The following SLC44A5 variants were observed in gnomAD, a reference collection of about 807,000 sequenced individuals.
The protein encoded by SLC44A5 is solute carrier family 44 member 5.
Under a neutral mutation model 101.8 loss-of-function variants are expected in SLC44A5, and 57 were observed. The observed-to-expected ratio is 0.56, with a 90% CI of 0.45 to 0.70. The LOEUF (loss-of-function observed/expected upper bound fraction) is 0.70. SLC44A5 is among the 30% of genes least tolerant of loss of function. The pLI is 0.00. For missense variants in SLC44A5, 737 were observed against 853.1 expected (o/e 0.86, Z 1.70); for synonymous variants, 281 against 290.9 (o/e 0.97, Z 0.35).
chr1:75,482,239 G>A (rs1282118372), intron 2 of SLC44A5, among the ~76,000 whole-genome samples: 1 of 150,514 alleles, frequency 6.6e-6, no homozygotes, highest in African/African-American at 2.4e-5. Context: ...ATGGACACAG[G>A]AAGGGGAACA....
chr1:75,509,401 A>G (rs1208444371), intron 2 of SLC44A5, among the ~76,000 whole-genome samples: 2 of 152,218 alleles, frequency 1.3e-5, no homozygotes, highest in Non-Finnish European at 2.9e-5. Context: ...AAGACTCAAT[A>G]TGTTTGCCCA....
intron 2 of SLC44A5, among the ~76,000 whole-genome samples, chr1:75,492,481 A>G (rs1421254849): frequency 2.6e-5 from 4 of 152,232 alleles, no homozygotes; most frequent in Non-Finnish European, 4.4e-5. Context: ...TGAATTAATG[A>G]ATAAATAAAG....
At chr1:75,218,467 G>A in intron 17 of SLC44A5, 23 bp downstream of exon 17, 1 of 1,612,768 alleles carries the variant, frequency 6.2e-7, no homozygotes, top group Non-Finnish European at 8.5e-7. Context: ...CAAGATAGGT[G>A]TAGGCTTCAA....
chr1:75,270,930 C>G (rs1651414333), intron 6 of SLC44A5, among the ~76,000 whole-genome samples: 1 of 152,054 alleles, frequency 6.6e-6, no homozygotes, highest in African/African-American at 2.4e-5. Context: ...TACAAATGCC[C>G]TTTTAAAAAC....
chr1:75,697,604 C>G, the SLC44A5 span, among the ~76,000 whole-genome samples: 3 of 152,080 alleles, frequency 2.0e-5, no homozygotes, highest in South Asian at 6.2e-4. Flanking sequence ...CTGAGCAACA[C>G]GGCGAAACTG....
intron 2 of SLC44A5, among the ~76,000 whole-genome samples, chr1:75,410,379 C>T (rs552354845): frequency 1.4e-4 from 21 of 151,980 alleles, no homozygotes; most frequent in Admixed American, 3.9e-4. Flanking sequence ...CATATACTAT[C>T]GCATCTTTTC....
chr1:75,604,997 G>A (rs1169242521), intron 1 of SLC44A5, among the ~76,000 whole-genome samples: 1 of 151,896 alleles, frequency 6.6e-6, no homozygotes, highest in Non-Finnish European at 1.5e-5. Flanking sequence ...TCTCTTGCCT[G>A]ATTGCTCTGG....
At chr1:75,272,237 G>A (rs1194063958) in intron 6 of SLC44A5, among the ~76,000 whole-genome samples, 1 of 151,462 alleles carries the variant, frequency 6.6e-6, no homozygotes, top group Non-Finnish European at 1.5e-5. Context: ...TGCATAGTTT[G>A]CAAATACTTT....
the SLC44A5 span, among the ~76,000 whole-genome samples, chr1:75,681,873 C>G: frequency 1.8e-4 from 27 of 152,298 alleles, no homozygotes; most frequent in African/African-American, 5.8e-4. Context: ...TGTCTCAGCC[C>G]AAACTCTCCT....
At chr1:75,231,561 C>T (rs906296830) in intron 12 of SLC44A5, among the ~76,000 whole-genome samples, 1 of 152,052 alleles carries the variant, frequency 6.6e-6, no homozygotes, top group African/African-American at 2.4e-5. Context: ...CCTCTTTCCT[C>T]AATAATATTC....
At chr1:75,571,965 G>A (rs1257826508) in intron 1 of SLC44A5, among the ~76,000 whole-genome samples, 2 of 152,136 alleles carry the variant, frequency 1.3e-5, no homozygotes, top group Non-Finnish European at 2.9e-5. Flanking sequence ...AAAACTAAGT[G>A]CTAGAAGACA....
chr1:75,333,425 A>G lies in SLC44A5; in HGVS notation c.101+6157T>C, dbSNP rs1248873055. Among the ~76,000 whole-genome samples the G allele has an allele frequency of 1.2e-4, 18 of 149,138 alleles. No homozygotes were observed. The Admixed American group carries it at 1.2e-3, about 10-fold the overall frequency. The stretch of plus-strand genomic sequence containing the variant: ...ATCTTTAATATTTGTGGCCTCTTTT[A>G]TTCCTCAATATATGAGCTTGTTCTT... On this transcript the variant is annotated intron_variant, in intron 4 of 23. Coordinates refer to ENST00000370859, the MANE Select transcript of SLC44A5 (RefSeq NM_001130058.2).
chr1:75,576,890 T>C (rs575832445), intron 1 of SLC44A5, among the ~76,000 whole-genome samples: 1 of 152,292 alleles, frequency 6.6e-6, no homozygotes, highest in East Asian at 1.9e-4. Context: ...AGGACAATAC[T>C]GGGAATTACC....
intron 23 of SLC44A5, chr1:75,206,372 C>T: frequency 2.4e-6 from 1 of 413,264 alleles, no homozygotes; most frequent in Non-Finnish European, 4.3e-6. Flanking sequence ...CTCTCGGCTA[C>T]AGATTTTAAA....
At chr1:75,722,004 G>A in the SLC44A5 span, among the ~76,000 whole-genome samples, 2 of 152,036 alleles carry the variant, frequency 1.3e-5, no homozygotes, top group East Asian at 1.9e-4. Context: ...ATGTGATAAA[G>A]GTTTTATAGG....
intron 2 of SLC44A5, among the ~76,000 whole-genome samples, chr1:75,533,769 C>A (rs1170521463): frequency 6.6e-6 from 1 of 152,088 alleles, no homozygotes; most frequent in African/African-American, 2.4e-5. Context: ...ATTGCAATAC[C>A]CTATTCTTGA....
chr1:75,268,437 G>T (rs537461319), intron 6 of SLC44A5, among the ~76,000 whole-genome samples: 1 of 152,086 alleles, frequency 6.6e-6, no homozygotes, highest in East Asian at 1.9e-4. Flanking sequence ...AAGCTATCTT[G>T]TTATTTACAT....
chr1:75,203,940 G>GTTT (rs34950114), intron 23 of SLC44A5, 107 bp from the exon 24 acceptor site: 9 of 1,079,454 alleles, frequency 8.3e-6, no homozygotes, highest in South Asian at 6.8e-5. Context: ...TCCTTTTGTT[G>GTTT]TTTTTTTTTT....
chr1:75,414,319 CCACAT>C (rs1557760831), intron 2 of SLC44A5, among the ~76,000 whole-genome samples: 25 of 122,882 alleles, frequency 2.0e-4, no homozygotes, highest in African/African-American at 8.7e-4. Context: ...ACATACATAT[CCACAT>C]ACACACACAC....
Sources: allele counts gnomAD v4.1 joint callset (sites outside exome capture counted in the v4.1 genomes callset), GRCh38; gene constraint gnomAD v4.1.1; transcripts MANE v1.5; gene names NCBI Gene and HGNC (gene_info 2026-07-23, HGNC 2026-07-21).